The following SLIT1 variants were observed in gnomAD, a reference collection of about 807,000 sequenced individuals.
The protein encoded by SLIT1 is slit guidance ligand 1.
A neutral mutation model predicts 186.1 loss-of-function variants in SLIT1; 66 were observed. The observed-to-expected ratio is 0.35, with a 90% CI of 0.29 to 0.44. The LOEUF is 0.44. SLIT1 is among the 20% of genes least tolerant of loss of function. The pLI, the probability that SLIT1 is intolerant of heterozygous loss-of-function variation, is 1.00. For synonymous variants in SLIT1, 761 were observed against 833.8 expected (o/e 0.91, Z 1.50); for missense variants, 1,638 against 2,037.4 (o/e 0.80, Z 3.77).
intron 4 of SLIT1, among the ~76,000 whole-genome samples, chr10:97,151,020 G>T (rs150272492): frequency 6.6e-6 from 1 of 151,764 alleles, no homozygotes. Context: ...AGGAGATATA[G>T]GTCCAGCCAG....
At chr10:97,107,317 G>A (rs1043949542) in intron 4 of SLIT1, among the ~76,000 whole-genome samples, 43 of 152,168 alleles carry the variant, frequency 2.8e-4, no homozygotes, top group Non-Finnish European at 1.6e-4. Flanking sequence ...TTAACTCTAT[G>A]CTTAGTTTGT....
At chr10:97,049,479 G>A (rs1848768585) in intron 13 of SLIT1, among the ~76,000 whole-genome samples, 1 of 152,248 alleles carries the variant, frequency 6.6e-6, no homozygotes, top group Admixed American at 6.5e-5. Flanking sequence ...GCTGGCCAGA[G>A]CACCCCTGGC....
At chr10:97,026,871 T>C (rs956991772) in intron 25 of SLIT1, among the ~76,000 whole-genome samples, 3 of 152,200 alleles carry the variant, frequency 2.0e-5, no homozygotes, top group African/African-American at 7.2e-5. Context: ...TTAGAAATCA[T>C]CTTCGTGTAG....
Position 97,060,004 on chromosome 10 carries a change from G to C in SLIT1, c.1013+83C>G. On this transcript the variant is annotated intron_variant, in intron 10 of 36. Coordinates refer to ENST00000266058, the MANE Select transcript of SLIT1 (RefSeq NM_003061.3). Reference sequence around the variant, plus strand: ...CACTCAGCTGTGGGGGGCTGAGTTAGGGCCTGCCCCAGGGCTGTGGGACCA... The same window carrying C: ...CACTCAGCTGTGGGGGGCTGAGTTACGGCCTGCCCCAGGGCTGTGGGACCA... 5 of 1,197,488 alleles carry C rather than the reference G, an allele frequency of 4.2e-6. No individual in the cohort carries two copies. The South Asian group carries it at 4.8e-5, about 12-fold the overall frequency. The allele number at this position is 1,197,488 out of a possible 1,614,324, so 74.2% of individuals were successfully genotyped here.
intron 4 of SLIT1, among the ~76,000 whole-genome samples, chr10:97,095,683 C>T (rs1236281720): frequency 6.6e-6 from 1 of 152,164 alleles, no homozygotes; most frequent in Non-Finnish European, 1.5e-5. Context: ...CTTGTTGAAC[C>T]TGCGTCTGTG....
intron 4 of SLIT1, among the ~76,000 whole-genome samples, chr10:97,100,194 G>C (rs764807444): frequency 6.6e-6 from 1 of 152,090 alleles, no homozygotes; most frequent in Non-Finnish European, 1.5e-5. Flanking sequence ...ACATGAATAC[G>C]CCCCTTCCCA....
intron 30 of SLIT1, among the ~76,000 whole-genome samples, chr10:97,013,379 G>A (rs1848427658): frequency 6.6e-6 from 1 of 152,112 alleles, no homozygotes; most frequent in Admixed American, 6.5e-5. Context: ...TAATAGCCTG[G>A]AGCACTTAAC....
intron 4 of SLIT1, among the ~76,000 whole-genome samples, chr10:97,080,382 G>A (rs963703682): frequency 2.0e-5 from 3 of 152,262 alleles, no homozygotes; most frequent in Non-Finnish European, 2.9e-5. Context: ...AGCATCCCCA[G>A]CGGGGGCCCA....
chr10:97,047,405 A>G (rs550232712), intron 16 of SLIT1, among the ~76,000 whole-genome samples: 1 of 152,234 alleles, frequency 6.6e-6, no homozygotes. Flanking sequence ...ACAGAATAAG[A>G]CAAACGCATC....
At position 97,018,674 on chromosome 10, in the gene SLIT1, A is replaced by T. The variant is rs148321620; in HGVS notation, c.2881T>A (p.Cys961Ser). 1 of 1,582,588 alleles carries T rather than the reference A, an allele frequency of 6.3e-7. No individual in the cohort carries two copies. The highest frequency in any genetic ancestry group is 1.3e-5 in the African/African-American group (1 of 74,340). Residue 961 changes from cysteine (C) to serine (S), a missense_variant, in exon 28 of 37, where the codon TGT becomes AGT. Around this residue, in one of 3 missense-constraint regions of SLIT1, gnomAD observed 1,245 missense variants for 1,535.3 expected, o/e 0.81. Transcript: ENST00000266058. ...ACPSGYKGRDCEVSLDSCSSG... is the reference protein window; with the variant it reads ...ACPSGYKGRDSEVSLDSCSSG... ...GAACAGCTGTCCAGGGACACCTCAC[A>T]GTCTCGACCCTGGGGGGAAAGTCAG...
At chr10:97,169,914 C>A (rs999427794) in intron 1 of SLIT1, among the ~76,000 whole-genome samples, 1 of 152,246 alleles carries the variant, frequency 6.6e-6, no homozygotes. Context: ...CGGGATCAGA[C>A]CCCAGCCAGT....
At chr10:97,183,921 C>G (rs1351165394) in intron 1 of SLIT1, among the ~76,000 whole-genome samples, 1 of 151,918 alleles carries the variant, frequency 6.6e-6, no homozygotes, top group Non-Finnish European at 1.5e-5. Flanking sequence ...TGGGTCCACA[C>G]AGGATAATGC....
chr10:97,130,290 TCAAA>T (rs1849641139), intron 4 of SLIT1, among the ~76,000 whole-genome samples: 1 of 152,216 alleles, frequency 6.6e-6, no homozygotes, highest in Non-Finnish European at 1.5e-5. Flanking sequence ...GTACAGGGAC[TCAAA>T]CAGATACTTG....
chr10:97,019,256 G>T, intron 26 of SLIT1, 149 bp from the exon 27 acceptor site: 2 of 609,570 alleles, frequency 3.3e-6, no homozygotes, highest in Non-Finnish European at 5.9e-6. Context: ...CCCTTGCACT[G>T]CCCACCTTTC....
At position 97,092,859 on chromosome 10, in the gene SLIT1, G is replaced by A. The variant is rs116616099; in HGVS notation, c.414-26773C>T. ...AGTCCTTTGCAATGTGCCAGGCTCC[G>A]TGCTAAGTGATCTGCATGCCTCCCC... On this transcript the variant is annotated intron_variant, in intron 4 of 36. Transcript: ENST00000266058. Among the ~76,000 whole-genome samples the A allele has an allele frequency of 5.4e-3, 829 of 152,340 alleles. 7 individuals are homozygous for A. The highest frequency in any genetic ancestry group is 0.019 in the African/African-American group (773 of 41,576).
Position 96,998,516 on chromosome 10 carries a change from G to T in SLIT1, c.*2596C>A, listed in dbSNP as rs1021667205. On this transcript the variant is annotated 3_prime_UTR_variant, in exon 37 of 37. Coordinates refer to ENST00000266058, the MANE Select transcript of SLIT1 (RefSeq NM_003061.3). ...GAGCGAACTAGGGGTCTTCACAAAG[G>T]GGGACAAGATGTGGAGAGAGGACTT... The T allele has an allele frequency of 6.6e-6, 1 of 152,242 alleles. No homozygotes were observed. The highest frequency in any genetic ancestry group is 1.9e-4 in the East Asian group (1 of 5,188). The allele number at this position is 152,242 out of a possible 1,614,324, so 9.4% of individuals were successfully genotyped here. A position where few individuals can be genotyped will look rare whatever the true frequency, so the allele number is the denominator to read the frequency against.
chr10:97,001,264 A>G lies in SLIT1; in HGVS notation c.4453T>C (p.Trp1485Arg), dbSNP rs138357678. The G allele has an allele frequency of 6.2e-7, 1 of 1,613,194 alleles. No homozygotes were observed. Among genetic ancestry groups the G allele is most frequent in the South Asian group, 1.1e-5 (1 of 91,072 alleles). The change falls in exon 37 of 37, where the codon TGG becomes CGG. Residue 1485 changes from tryptophan (W) to arginine (R), a missense_variant. Physicochemically the swap from Trp to Arg is moderately radical, Grantham distance 101 (BLOSUM62 -3). Transcript: ENST00000266058. ...GGGCACGAGCCCCGGCACTCCACCC[A>G]TGACAGGGGGCGCGTGGTCTGGCAG... The part of the protein sequence containing the change: ...AICQTTRPLS[W>R]VECRGSCPGQ...
chr10:97,104,312 G>A (rs945221808), intron 4 of SLIT1, among the ~76,000 whole-genome samples: 8 of 152,050 alleles, frequency 5.3e-5, no homozygotes, highest in Non-Finnish European at 7.4e-5. Flanking sequence ...GTCCAGGGTC[G>A]CTGGAGTGAG....
chr10:97,129,077 C>T lies in SLIT1; in HGVS notation c.413+28741G>A, dbSNP rs138164092. 7.5e-3 allele frequency among the ~76,000 whole-genome samples: 1,136 copies of T among 152,264 alleles called. 3 individuals are homozygous for T. The highest frequency in any genetic ancestry group is 0.012 in the Non-Finnish European group (814 of 68,012). Reference sequence around the variant, plus strand: ...TGTGTCCCTGGGGAAATTGCACAACCTCCCTGTGCCTCAGTTTTCACTTAC... The same window carrying T: ...TGTGTCCCTGGGGAAATTGCACAACTTCCCTGTGCCTCAGTTTTCACTTAC... On this transcript the variant is annotated intron_variant, in intron 4 of 36. Transcript: ENST00000266058.
Sources: allele counts gnomAD v4.1 joint callset (sites outside exome capture counted in the v4.1 genomes callset), GRCh38; gene constraint gnomAD v4.1.1; regional missense constraint gnomAD v4.1.1; transcripts MANE v1.5; gene names NCBI Gene and HGNC (gene_info 2026-07-23, HGNC 2026-07-21).